Variants in LRRC4C observed in about 807,000 individuals in gnomAD.
LRRC4C encodes leucine-rich repeat-containing protein 4C.
A neutral mutation model predicts 33.6 loss-of-function variants in LRRC4C; 5 were observed. That is an observed-to-expected ratio of 0.15 (90% CI 0.08 to 0.31). The LOEUF is 0.31. LRRC4C is among the 10% of genes least tolerant of loss of function. The pLI is 1.00. For synonymous variants in LRRC4C, 329 were observed against 302.0 expected (o/e 1.09, Z -0.93); for missense variants, 560 against 796.7 (o/e 0.70, Z 3.58).
chr11:41,342,824 C>T (rs1028849879), intron 1 of LRRC4C, among the ~76,000 whole-genome samples: 4 of 152,164 alleles, frequency 2.6e-5, no homozygotes, highest in Non-Finnish European at 5.9e-5. Context: ...TAAAAAAGTA[C>T]CACAGAGTTG....
At chr11:40,595,049 T>G (rs1027741484) in intron 3 of LRRC4C, among the ~76,000 whole-genome samples, 1 of 152,120 alleles carries the variant, frequency 6.6e-6, no homozygotes, top group Non-Finnish European at 1.5e-5. Flanking sequence ...TATGGGTTTA[T>G]CAGACTTTAT....
At chr11:40,528,516 C>T (rs1603209) in intron 3 of LRRC4C, among the ~76,000 whole-genome samples, 82,579 of 151,696 alleles carry the variant, frequency 0.54, 22,837 homozygotes, top group East Asian at 0.79. Flanking sequence ...TGTTAAAGAA[C>T]TGGAACCCTT....
chr11:41,140,500 T>C (rs1352226628), intron 1 of LRRC4C, among the ~76,000 whole-genome samples: 5 of 139,238 alleles, frequency 3.6e-5, no homozygotes, highest in Admixed American at 3.5e-4. Flanking sequence ...CCCTGAACTT[T>C]TACCTACACT....
chr11:41,076,968 T>C (rs1939197309), intron 1 of LRRC4C, among the ~76,000 whole-genome samples: 2 of 152,186 alleles, frequency 1.3e-5, no homozygotes, highest in African/African-American at 4.8e-5. Context: ...ACAGGCCCAA[T>C]GCAAGTCCAA....
chr11:41,009,145 T>C (rs1021702271), intron 1 of LRRC4C, among the ~76,000 whole-genome samples: 2 of 152,064 alleles, frequency 1.3e-5, no homozygotes, highest in Non-Finnish European at 2.9e-5. Context: ...CTAAATAGCT[T>C]CTTTGTTTTG....
chr11:41,061,475 A>G (rs926204369), intron 1 of LRRC4C, among the ~76,000 whole-genome samples: 4 of 152,240 alleles, frequency 2.6e-5, no homozygotes, highest in African/African-American at 9.6e-5. Flanking sequence ...CAAGACTTCT[A>G]GACTCTGAAT....
At chr11:40,436,469 A>G (rs1951144357) in intron 3 of LRRC4C, among the ~76,000 whole-genome samples, 1 of 152,164 alleles carries the variant, frequency 6.6e-6, no homozygotes, top group South Asian at 2.1e-4. Flanking sequence ...GGAGAAATAC[A>G]TTTCCTAGAA....
intron 1 of LRRC4C, among the ~76,000 whole-genome samples, chr11:41,219,979 G>C (rs1947232147): frequency 6.6e-6 from 1 of 152,138 alleles, no homozygotes; most frequent in South Asian, 2.1e-4. Flanking sequence ...GGACCTATAT[G>C]TGTTTTTGTA....
intron 2 of LRRC4C, among the ~76,000 whole-genome samples, chr11:40,697,564 A>G (rs1010639841): frequency 6.6e-6 from 1 of 152,192 alleles, no homozygotes; most frequent in Non-Finnish European, 1.5e-5. Flanking sequence ...CTACATATGG[A>G]TCTGATTCCC....
At chr11:41,087,685 G>C (rs1042390927) in intron 1 of LRRC4C, among the ~76,000 whole-genome samples, 2 of 152,028 alleles carry the variant, frequency 1.3e-5, no homozygotes, top group African/African-American at 4.8e-5. Context: ...TGTTAAGTCA[G>C]ACCATCTGAA....
chr11:41,131,510 T>C (rs1943011453), intron 1 of LRRC4C, among the ~76,000 whole-genome samples: 2 of 152,138 alleles, frequency 1.3e-5, no homozygotes, highest in Admixed American at 1.3e-4. Flanking sequence ...GTATATTTTG[T>C]TTGTTATACG....
At chr11:40,357,151 G>A (rs1051534088) in intron 3 of LRRC4C, among the ~76,000 whole-genome samples, 4 of 152,050 alleles carry the variant, frequency 2.6e-5, no homozygotes, top group Non-Finnish European at 5.9e-5. Flanking sequence ...TATTTTGAAG[G>A]GGGAAAGGGC....
chr11:40,910,712 T>A (rs2136264312), intron 2 of LRRC4C, among the ~76,000 whole-genome samples: 1 of 152,196 alleles, frequency 6.6e-6, no homozygotes, highest in Non-Finnish European at 1.5e-5. Context: ...GGACAGTGGG[T>A]GCAGTGCACC....
intron 1 of LRRC4C, among the ~76,000 whole-genome samples, chr11:41,438,385 T>C (rs966539151): frequency 2.0e-5 from 3 of 152,012 alleles, no homozygotes; most frequent in African/African-American, 7.2e-5. Flanking sequence ...AATATAATAA[T>C]ACAAATTTTC....
intron 5 of LRRC4C, among the ~76,000 whole-genome samples, chr11:40,207,795 C>G (rs1376238878): frequency 2.0e-5 from 3 of 152,140 alleles, no homozygotes; most frequent in African/African-American, 7.2e-5. Context: ...GTTTCTATTT[C>G]ACTTGATTCA....
chr11:41,320,515 C>T (rs77361974), intron 1 of LRRC4C, among the ~76,000 whole-genome samples: 2,233 of 152,262 alleles, frequency 0.015, 56 homozygotes, highest in African/African-American at 0.05. Context: ...ATCAGCTCCA[C>T]GTAACACACA....
intron 1 of LRRC4C, among the ~76,000 whole-genome samples, chr11:41,432,722 T>C (rs1565668631): frequency 6.6e-6 from 1 of 152,094 alleles, no homozygotes; most frequent in South Asian, 2.1e-4. Flanking sequence ...GCCAGTGCTC[T>C]AGAGACATTT....
chr11:41,150,263 G>A (rs935447543), intron 1 of LRRC4C, among the ~76,000 whole-genome samples: 2 of 152,152 alleles, frequency 1.3e-5, no homozygotes, highest in Admixed American at 6.5e-5. Flanking sequence ...CTGTCTACAA[G>A]TATGAATGCC....
intron 6 of LRRC4C, among the ~76,000 whole-genome samples, chr11:40,130,496 C>T (rs1856572590): frequency 6.6e-6 from 1 of 152,148 alleles, no homozygotes; most frequent in Non-Finnish European, 1.5e-5. Context: ...AGTGTAACAA[C>T]ACATGGGAGC....
Sources: gnomAD v4.1 joint callset for allele counts (sites outside exome capture counted in the v4.1 genomes callset) on GRCh38, gnomAD v4.1.1 for gene constraint, MANE v1.5 for transcripts, NCBI Gene and HGNC (gene_info 2026-07-23, HGNC 2026-07-21) for gene names.